The following WFDC10B variants were observed in gnomAD, a reference collection of about 807,000 sequenced individuals.
WFDC10B encodes protein WFDC10B.
WFDC10B carries 1 observed loss-of-function variant against 2.7 expected under a neutral mutation model. The observed-to-expected ratio is 0.38, with a 90% CI of 0.13 to 1.79. The LOEUF (loss-of-function observed/expected upper bound fraction) is 1.79. WFDC10B is among the 40% of genes most tolerant of loss of function. WFDC10B has a pLI of 0.33. For missense variants in WFDC10B, 71 were observed against 87.8 expected (o/e 0.81, Z 0.76); for synonymous variants, 26 against 32.2 (o/e 0.81, Z 0.65).
intron 2 of WFDC10B, among the ~76,000 whole-genome samples, chr20:45,697,120 G>A (rs1984000889): frequency 6.6e-6 from 1 of 152,062 alleles, no homozygotes; most frequent in Non-Finnish European, 1.5e-5. Context: ...TCTAACCAAA[G>A]CAATCAAGTA....
chr20:45,702,097 A>T, intron 2 of WFDC10B: 1 of 1,607,064 alleles, frequency 6.2e-7, no homozygotes, highest in South Asian at 1.1e-5. Flanking sequence ...CCTTGGCCAG[A>T]ACTTACTCAC....
chr20:45,697,212 T>C (rs1018410790), intron 2 of WFDC10B, among the ~76,000 whole-genome samples: 3 of 151,936 alleles, frequency 2.0e-5, no homozygotes, highest in African/African-American at 7.3e-5. Context: ...CAATGAGCAA[T>C]CCAAAAAGGA....
chr20:45,695,555 C>A (rs183187514), intron 2 of WFDC10B, among the ~76,000 whole-genome samples: 75 of 152,250 alleles, frequency 4.9e-4, no homozygotes, highest in Non-Finnish European at 8.2e-4. Flanking sequence ...TGAAATTATA[C>A]AAACTATCTT....
At chr20:45,699,647 G>A (rs1984086224) in intron 2 of WFDC10B, among the ~76,000 whole-genome samples, 1 of 152,104 alleles carries the variant, frequency 6.6e-6, no homozygotes, top group Non-Finnish European at 1.5e-5. Flanking sequence ...AGTAGAAATC[G>A]GCAATATCTA....
At chr20:45,704,400 C>T in intron 2 of WFDC10B, 97 bp downstream of exon 2, 3 of 1,583,758 alleles carry the variant, frequency 1.9e-6, no homozygotes, top group Non-Finnish European at 2.6e-6. Flanking sequence ...AACATTACTC[C>T]AGCCTGTTGG....
chr20:45,684,789 G>T lies in WFDC10B; in HGVS notation c.*41C>A, dbSNP rs571668815. On this transcript the variant is annotated 3_prime_UTR_variant, in exon 4 of 4. Transcript: ENST00000330523. ...ATGTGGGCACAGTCTCGGATGGAAGGGTTCAGGGAGCAGGATGCACATCCC... is the reference window on the plus strand; with the variant it reads ...ATGTGGGCACAGTCTCGGATGGAAGTGTTCAGGGAGCAGGATGCACATCCC... 2.5e-6 allele frequency: 4 copies of T among 1,607,030 alleles called. No individual in the cohort carries two copies. The highest frequency in any genetic ancestry group is 1.1e-5 in the South Asian group (1 of 90,034).
chr20:45,699,591 A>G (rs1458709916), intron 2 of WFDC10B, among the ~76,000 whole-genome samples: 1 of 152,258 alleles, frequency 6.6e-6, no homozygotes, highest in African/African-American at 2.4e-5. Flanking sequence ...GGAAACGTGC[A>G]CAGTCACATT....
intron 2 of WFDC10B, among the ~76,000 whole-genome samples, chr20:45,696,767 A>G (rs898094783): frequency 6.6e-6 from 1 of 152,170 alleles, no homozygotes; most frequent in Non-Finnish European, 1.5e-5. Flanking sequence ...TTTTTGAAAA[A>G]TACACATGAC....
At chr20:45,702,375 G>A (rs1984200706) in intron 2 of WFDC10B, among the ~76,000 whole-genome samples, 1 of 152,206 alleles carries the variant, frequency 6.6e-6, no homozygotes. Context: ...CTCTGTTGCT[G>A]AGTGACCTTG....
At chr20:45,690,867 C>T (rs1983790814) in intron 2 of WFDC10B, among the ~76,000 whole-genome samples, 1 of 152,046 alleles carries the variant, frequency 6.6e-6, no homozygotes, top group African/African-American at 2.4e-5. Context: ...TTATTTCTTG[C>T]TTTCTGCTAG....
At chr20:45,688,656 G>C (rs1382668621) in intron 2 of WFDC10B, among the ~76,000 whole-genome samples, 1 of 151,136 alleles carries the variant, frequency 6.6e-6, no homozygotes, top group South Asian at 2.1e-4. Flanking sequence ...AGAAGTGTCT[G>C]TTCATGTCCT....
intron 2 of WFDC10B, among the ~76,000 whole-genome samples, chr20:45,693,627 C>T (rs4810466): frequency 0.16 from 23,657 of 152,120 alleles, 2,082 homozygotes; most frequent in East Asian, 0.32. Flanking sequence ...TAGGACCCTC[C>T]GAGCCAGGTG....
chr20:45,697,379 A>ATTTTTTT (rs869059383), intron 2 of WFDC10B, among the ~76,000 whole-genome samples: 26 of 114,008 alleles, frequency 2.3e-4, no homozygotes, highest in East Asian at 8.2e-4. Flanking sequence ...ACATCCCATC[A>ATTTTTTT]TTTTTTTTTT....
rs1984324546 is a variant in WFDC10B, at chr20:45,704,810, C to A, written c.-130+108G>T. 5 of 1,337,828 alleles carry A rather than the reference C, an allele frequency of 3.7e-6. No individual in the cohort carries two copies. In the South Asian group the frequency reaches 6.0e-5, roughly 16 times the overall value. The allele number at this position is 1,337,828 out of a possible 1,614,324, so 82.9% of individuals were successfully genotyped here. The stretch of plus-strand genomic sequence containing the variant: ...CCCTCCCAATCACCACATCCCATCA[C>A]CATATCCGTGAATTTCTGACTCTGC... On this transcript the variant is annotated intron_variant, in intron 1 of 3. Transcript: ENST00000330523.
intron 2 of WFDC10B, among the ~76,000 whole-genome samples, chr20:45,696,857 A>G (rs1413749949): frequency 2.6e-5 from 4 of 152,124 alleles, no homozygotes; most frequent in Non-Finnish European, 5.9e-5. Context: ...ATTAACACCA[A>G]TCCTTCTCAA....
chr20:45,684,804 A>G lies in WFDC10B; in HGVS notation c.*26T>C. 6.2e-7 allele frequency: 1 copy of G among 1,611,880 alleles called. No homozygotes were observed. The highest frequency in any genetic ancestry group is 2.2e-5 in the East Asian group (1 of 44,830). ...CGGATGGAAGGGTTCAGGGAGCAGG[A>G]TGCACATCCCAGCCCACTCTCCCAC... On this transcript the variant is annotated 3_prime_UTR_variant, in exon 4 of 4. Coordinates refer to ENST00000330523, the MANE Select transcript of WFDC10B (RefSeq NM_172006.2).
At chr20:45,704,779 C>A in intron 1 of WFDC10B, 139 bp downstream of exon 1, 15 of 1,274,162 alleles carry the variant, frequency 1.2e-5, no homozygotes, top group Non-Finnish European at 1.4e-5. Flanking sequence ...TAGAAAAGCC[C>A]TCCTCCCCTC....
rs989344631 is a variant in WFDC10B, at chr20:45,684,946, C to T, written c.106G>A (p.Glu36Lys). Reference protein sequence around the residue: ...KMRMQRIKVCEKRPSIDLCIH... With the variant: ...KMRMQRIKVCKKRPSIDLCIH... ...CATAGATCTATGCTGGGTCGCTTCT[C>T]ACAGACCTTGATTCCTGAAATGATG... Residue 36 changes from glutamate (E) to lysine (K), a missense_variant, in exon 4 of 4, where the codon GAG (glutamate) becomes AAG (lysine). Transcript: ENST00000330523. 1 of 1,613,856 alleles carries T rather than the reference C, an allele frequency of 6.2e-7. No individual in the cohort carries two copies. Among genetic ancestry groups the T allele is most frequent in the Non-Finnish European group, 8.5e-7 (1 of 1,179,890 alleles).
Position 45,684,755 on chromosome 20 carries a change from G to T in WFDC10B, c.*75C>A, listed in dbSNP as rs939458077. ...CTTGTGCTGATGATTTGATGTCCTTGTGCTTCGGATGTGGGCACAGTCTCG... is the reference window on the plus strand; with the variant it reads ...CTTGTGCTGATGATTTGATGTCCTTTTGCTTCGGATGTGGGCACAGTCTCG... On this transcript the variant is annotated 3_prime_UTR_variant, in exon 4 of 4. Coordinates refer to ENST00000330523, the MANE Select transcript of WFDC10B (RefSeq NM_172006.2). 26 of 1,567,388 alleles carry T rather than the reference G, an allele frequency of 1.7e-5. No individual in the cohort carries two copies. In the East Asian group the frequency reaches 5.7e-4, roughly 34 times the overall value.
Sources: gnomAD v4.1 joint callset for allele counts (sites outside exome capture counted in the v4.1 genomes callset) on GRCh38, gnomAD v4.1.1 for gene constraint, MANE v1.5 for transcripts, NCBI Gene and HGNC (gene_info 2026-07-23, HGNC 2026-07-21) for gene names.